NDUFB6: variants seen among roughly 807,000 people sequenced by gnomAD.
NDUFB6 encodes NADH dehydrogenase [ubiquinone] 1 beta subcomplex subunit 6.
In NDUFB6, 23 loss-of-function variants were observed where a neutral mutation model predicts 17.5. The observed-to-expected ratio is 1.31, with a 90% CI of 0.94 to 1.86. The LOEUF (loss-of-function observed/expected upper bound fraction) is 1.86, where lower values mean the gene tolerates loss of function less well. Among genes scored for constraint, NDUFB6 ranks in the 40% most tolerant of loss-of-function variants. The pLI is 0.00. For missense variants in NDUFB6, 167 were observed against 153.8 expected, an observed-to-expected ratio of 1.09 and a Z score of -0.46; for synonymous variants, 60 against 53.5, an observed-to-expected ratio of 1.12 and a Z score of -0.53.
In NDUFB6 at chr9:32,558,891, C is replaced by A; in HGVS notation, c.318+19G>T. Reference sequence around the variant, plus strand: ...GAAAAACAATAAACAAAAGAAAAATCAGAAGTGTTAAGACTTACAGGGAAT... The same window carrying A: ...GAAAAACAATAAACAAAAGAAAAATAAGAAGTGTTAAGACTTACAGGGAAT... On this transcript the variant is annotated intron_variant, in intron 3 of 3. Transcript: ENST00000379847. The A allele has an allele frequency of 2.7e-6, 4 of 1,487,296 alleles. No homozygotes were observed. The highest frequency in any genetic ancestry group is 3.7e-6 in the Non-Finnish European group (4 of 1,084,460). 92.1% of individuals were successfully genotyped at this position (1,487,296 alleles called of 1,614,324 possible). A position where few individuals can be genotyped will look rare whatever the true frequency, so the allele number is the denominator to read the frequency against.
chr9:32,560,009 T>C (rs555948041), intron 2 of NDUFB6, among the ~76,000 whole-genome samples: 21 of 152,332 alleles, frequency 1.4e-4, no homozygotes, highest in African/African-American at 4.8e-4. Flanking sequence ...ATATGAGGCA[T>C]AGAGAACTGG....
intron 2 of NDUFB6, among the ~76,000 whole-genome samples, chr9:32,561,003 T>C (rs566265694): frequency 6.6e-6 from 1 of 152,354 alleles, no homozygotes; most frequent in Admixed American, 6.5e-5. Context: ...TATTTTCTTC[T>C]CTAGGGTCTT....
Position 32,570,983 on chromosome 9 carries a change from A to C in NDUFB6, c.250T>G (p.Tyr84Asp), listed in dbSNP as rs1195138492. The C allele has an allele frequency of 1.9e-6, 3 of 1,594,306 alleles. No homozygotes were observed. The highest frequency in any genetic ancestry group is 1.3e-5 in the African/African-American group (1 of 74,228). ...ACAGAAACATGATACTTCATGTAATAATGAATAATCCAGACAGGTACAAGT... is the reference window on the plus strand; with the variant it reads ...ACAGAAACATGATACTTCATGTAATCATGAATAATCCAGACAGGTACAAGT... ...HVLVPVWIIHYYMKYHVSEKP... is the reference protein window; with the variant it reads ...HVLVPVWIIHDYMKYHVSEKP... Residue 84 changes from tyrosine (Y) to aspartate (D), a missense_variant, in exon 2 of 4, where the codon TAT becomes GAT. Tyr to Asp is a radical substitution (Grantham distance 160). Transcript: ENST00000379847.
chr9:32,555,117 A>G (rs891349616), intron 3 of NDUFB6, among the ~76,000 whole-genome samples: 1 of 152,030 alleles, frequency 6.6e-6, no homozygotes, highest in Non-Finnish European at 1.5e-5. Context: ...AAGTTAATAG[A>G]ATCTAAAAAT....
intron 2 of NDUFB6, chr9:32,567,394 T>C (rs2119030414): frequency 2.2e-6 from 1 of 464,478 alleles, no homozygotes; most frequent in East Asian, 6.9e-5. Flanking sequence ...AGTGGTGCGA[T>C]CTTGGCTCAC....
chr9:32,573,086 G>A lies in NDUFB6; in HGVS notation c.-26C>T, dbSNP rs1825362421. On this transcript the variant is annotated 5_prime_UTR_variant, in exon 1 of 4. Transcript: ENST00000379847. The stretch of plus-strand genomic sequence containing the variant: ...GTCGCCGCTGGTACCAACGCAAAAG[G>A]ACACGGCGCACCCTCGAACTACGGA... 3 of 1,516,240 alleles carry A rather than the reference G, an allele frequency of 2.0e-6. No homozygotes were observed. Among genetic ancestry groups the A allele is most frequent in the South Asian group, 2.5e-5 (2 of 80,720 alleles). The allele number at this position is 1,516,240 out of a possible 1,614,324, so 93.9% of individuals were successfully genotyped here.
At chr9:32,558,766 G>GT (rs1821545055) in intron 3 of NDUFB6, 144 bp downstream of exon 3, 1 of 491,820 alleles carries the variant, frequency 2.0e-6, no homozygotes, top group African/African-American at 2.0e-5. Context: ...GTTTTGTTTT[G>GT]TTTTTTACAA....
At chr9:32,568,696 GTA>G (rs1267732347) in intron 2 of NDUFB6, 4 of 151,746 alleles carry the variant, frequency 2.6e-5, no homozygotes, top group Admixed American at 7.3e-5. Flanking sequence ...ATATACGTAT[GTA>G]TATATATGTG....
chr9:32,567,573 C>T (rs779512277), intron 2 of NDUFB6: 1 of 386,434 alleles, frequency 2.6e-6, no homozygotes, highest in East Asian at 7.3e-5. Context: ...GATTTGCCCA[C>T]CTCAGCCTCC....
At chr9:32,554,664 T>A (rs1821406633) in intron 3 of NDUFB6, among the ~76,000 whole-genome samples, 1 of 152,162 alleles carries the variant, frequency 6.6e-6, no homozygotes, top group Non-Finnish European at 1.5e-5. Flanking sequence ...TATAGTCCAA[T>A]GAAAAAATAA....
At chr9:32,556,094 G>T (rs1047338440) in intron 3 of NDUFB6, among the ~76,000 whole-genome samples, 1 of 150,226 alleles carries the variant, frequency 6.7e-6, no homozygotes. Flanking sequence ...TGGGGCCGGG[G>T]TGCAATGATG....
chr9:32,561,326 T>C (rs915285767), intron 2 of NDUFB6, among the ~76,000 whole-genome samples: 16 of 151,820 alleles, frequency 1.1e-4, no homozygotes, highest in Middle Eastern at 3.4e-3. Flanking sequence ...AAATTCACTA[T>C]TTTCTTTTTT....
Position 32,553,714 on chromosome 9 carries a change from T to G in NDUFB6, c.*162A>C. On this transcript the variant is annotated 3_prime_UTR_variant, in exon 4 of 4. Transcript: ENST00000379847. ...TTGTTTAGCATGTCCACTTTTTACT[T>G]ATTGTTAAATTACTCAGTCTCAAAT... 1 of 577,584 alleles carries G rather than the reference T, an allele frequency of 1.7e-6. No homozygotes were observed. The highest frequency in any genetic ancestry group is 3.1e-6 in the Non-Finnish European group (1 of 323,644). The allele number at this position is 577,584 out of a possible 1,614,324, so 35.8% of individuals were successfully genotyped here. A position where few individuals can be genotyped will look rare whatever the true frequency, so the allele number is the denominator to read the frequency against.
intron 2 of NDUFB6, among the ~76,000 whole-genome samples, chr9:32,569,823 A>G (rs1302521804): frequency 6.6e-6 from 1 of 150,902 alleles, no homozygotes; most frequent in East Asian, 1.9e-4. Context: ...GCCCAGCAAT[A>G]AAGTATTTTT....
chr9:32,563,645 T>C (rs1821694283), intron 2 of NDUFB6, among the ~76,000 whole-genome samples: 1 of 152,102 alleles, frequency 6.6e-6, no homozygotes, highest in Admixed American at 6.6e-5. Flanking sequence ...TCCTTTGATG[T>C]TCCTTAGCTG....
intron 2 of NDUFB6, among the ~76,000 whole-genome samples, chr9:32,562,829 T>A (rs1298579798): frequency 7.9e-5 from 12 of 152,324 alleles, no homozygotes; most frequent in Admixed American, 6.5e-4. Flanking sequence ...ACATGACATG[T>A]TCTCCATTGA....
chr9:32,554,062 C>T (rs1470858997), intron 3 of NDUFB6, 118 bp from the exon 4 acceptor site: 1 of 603,086 alleles, frequency 1.7e-6, no homozygotes, highest in African/African-American at 1.9e-5. Context: ...CTGGCATTCC[C>T]TTTAAAAGGA....
At chr9:32,571,137 T>C (rs1821931700) in intron 1 of NDUFB6, 85 bp from the exon 2 acceptor site, 7 of 878,086 alleles carry the variant, frequency 8.0e-6, no homozygotes, top group East Asian at 2.7e-5. Context: ...GATGTAACAA[T>C]GCCATGACTA....
At chr9:32,559,019 G>T in intron 2 of NDUFB6, 65 bp from the exon 3 acceptor site, 1 of 1,148,000 alleles carries the variant, frequency 8.7e-7, no homozygotes, top group Non-Finnish European at 1.3e-6. Flanking sequence ...ATAAGAAATA[G>T]GTCATACCCC....
Sources: gnomAD v4.1 joint callset for allele counts (sites outside exome capture counted in the v4.1 genomes callset) on GRCh38, gnomAD v4.1.1 for gene constraint, MANE v1.5 for transcripts, NCBI Gene and HGNC (gene_info 2026-07-23, HGNC 2026-07-21) for gene names.